The following KAZN variants were observed in gnomAD, a reference collection of about 807,000 sequenced individuals.
KAZN encodes the protein kazrin.
KAZN carries 40 observed loss-of-function variants against 87.4 expected under a neutral mutation model. That is an observed-to-expected ratio of 0.46 (90% CI 0.36 to 0.60). The LOEUF (loss-of-function observed/expected upper bound fraction) is 0.60. Among genes scored for constraint, KAZN ranks in the 20% least tolerant of loss-of-function variants. The pLI is 0.00. For synonymous variants in KAZN, 466 were observed against 458.3 expected (o/e 1.02, Z -0.22); for missense variants, 898 against 1,073.9 (o/e 0.84, Z 2.29).
chr1:15,043,899 A>C, intron 3 of KAZN, 90 bp from the exon 4 acceptor site: 1 of 1,317,134 alleles, frequency 7.6e-7, no homozygotes. Flanking sequence ...TTCTTTTTCC[A>C]TCTAGGAGTT....
chr1:14,757,400 G>A (rs541417578), intron 1 of KAZN, among the ~76,000 whole-genome samples: 1 of 152,162 alleles, frequency 6.6e-6, no homozygotes. Flanking sequence ...AAGAACAAAG[G>A]AATTACAATC....
chr1:14,141,057 C>T (rs141199612), intron 1 of KAZN, among the ~76,000 whole-genome samples: 311 of 152,110 alleles, frequency 2.0e-3, no homozygotes, highest in African/African-American at 6.2e-3. Flanking sequence ...AGAATCTGCA[C>T]GCTGCCAAAA....
chr1:15,103,485 G>A, intron 12 of KAZN, 25 bp downstream of exon 12: 1 of 1,480,986 alleles, frequency 6.8e-7, no homozygotes, highest in East Asian at 2.5e-5. Flanking sequence ...GGAGGTCGGG[G>A]TGACTCTCGG....
intron 3 of KAZN, among the ~76,000 whole-genome samples, chr1:15,040,951 G>A (rs115880263): frequency 6.6e-6 from 1 of 151,172 alleles, no homozygotes; most frequent in Non-Finnish European, 1.5e-5. Flanking sequence ...TTTGTTTTTT[G>A]TTTTTTTTAT....
At chr1:14,298,510 T>TC (rs1260626587) in intron 2 of KAZN, among the ~76,000 whole-genome samples, 1 of 152,154 alleles carries the variant, frequency 6.6e-6, no homozygotes, top group Non-Finnish European at 1.5e-5. Context: ...TTCTCCTACC[T>TC]CCCCCCATGC....
intron 8 of KAZN, among the ~76,000 whole-genome samples, chr1:15,074,002 C>T (rs1432999001): frequency 1.3e-5 from 2 of 152,230 alleles, no homozygotes; most frequent in Non-Finnish European, 2.9e-5. Flanking sequence ...CCCCACCACC[C>T]CCAGCCCAGC....
chr1:14,213,112 T>G (rs766060799), intron 2 of KAZN, among the ~76,000 whole-genome samples: 1 of 152,154 alleles, frequency 6.6e-6, no homozygotes, highest in East Asian at 1.9e-4. Context: ...ATATGTAAAT[T>G]TTCTGTATTT....
intron 1 of KAZN, among the ~76,000 whole-genome samples, chr1:14,050,221 T>C (rs1642268963): frequency 6.6e-6 from 1 of 151,706 alleles, no homozygotes; most frequent in Admixed American, 6.6e-5. Flanking sequence ...GGCATGCATG[T>C]GCACATGTAT....
intron 1 of KAZN, among the ~76,000 whole-genome samples, chr1:14,145,533 T>C (rs1202734371): frequency 6.6e-6 from 1 of 152,170 alleles, no homozygotes; most frequent in East Asian, 1.9e-4. Flanking sequence ...TATTTGTCTA[T>C]AAACATAATT....
rs149957066 is a variant in KAZN at position 14,431,072 on chromosome 1, T to A, written c.250-167911T>A. ...AAGTGTGCAATAAATGCTTATTGAG[T>A]AATTGAATGAATACATTAATGAATG... On this transcript the variant is annotated intron_variant, in intron 2 of 16. Transcript: ENST00000636203. 4.5e-3 allele frequency among the ~76,000 whole-genome samples: 681 copies of A among 152,324 alleles called. 21 individuals are homozygous for A. The highest frequency in any genetic ancestry group is 1.2e-3 in the East Asian group (6 of 5,180).
At chr1:14,712,074 G>C (rs1013926428) in intron 1 of KAZN, among the ~76,000 whole-genome samples, 2 of 152,192 alleles carry the variant, frequency 1.3e-5, no homozygotes, top group African/African-American at 4.8e-5. Context: ...AAGAGTAGGG[G>C]ATAAGGGGAG....
intron 2 of KAZN, among the ~76,000 whole-genome samples, chr1:14,576,331 T>TGGATGGAC (rs1491446005): frequency 0.016 from 2,186 of 135,404 alleles, 50 homozygotes; most frequent in African/African-American, 0.048. Context: ...GATGGATGGA[T>TGGATGGAC]GGACGGACAG....
rs570148252 is a variant in KAZN, at chr1:15,110,405, G to C, written c.2049-2022G>C. ...TATTTGTGTGTTTGTGTGTGTCTGT[G>C]TATTTGTGTGTGCGCATATGTGTTC... On this transcript the variant is annotated intron_variant, in intron 13 of 14. Coordinates refer to ENST00000376030, the MANE Select transcript of KAZN (RefSeq NM_201628.3). 1.2e-4 allele frequency among the ~76,000 whole-genome samples: 16 copies of C among 136,102 alleles called. No individual in the cohort carries two copies. In the East Asian group the frequency reaches 1.3e-3, roughly 11 times the overall value. 89.3% of individuals were successfully genotyped at this position (136,102 alleles called of 152,430 possible). A position where few individuals can be genotyped will look rare whatever the true frequency, so the allele number is the denominator to read the frequency against.
intron 1 of KAZN, among the ~76,000 whole-genome samples, chr1:14,725,470 T>TTTTC (rs1244004382): frequency 1.1e-3 from 162 of 152,184 alleles, no homozygotes; most frequent in African/African-American, 3.1e-3. Context: ...CTTTTTTTTT[T>TTTTC]TTTCTTTCTT....
At chr1:14,179,153 A>G (rs765296509) in intron 1 of KAZN, among the ~76,000 whole-genome samples, 2 of 152,066 alleles carry the variant, frequency 1.3e-5, no homozygotes, top group Non-Finnish European at 2.9e-5. Flanking sequence ...TCAGCCAGCA[A>G]CTCAAAGGCA....
chr1:14,117,313 C>T (rs914968555), intron 1 of KAZN, among the ~76,000 whole-genome samples: 2 of 152,032 alleles, frequency 1.3e-5, no homozygotes, highest in East Asian at 1.9e-4. Context: ...AGGTCTTTCC[C>T]GTGCTCTTCT....
chr1:14,739,128 T>C (rs1644008278), intron 1 of KAZN, among the ~76,000 whole-genome samples: 1 of 152,186 alleles, frequency 6.6e-6, no homozygotes, highest in African/African-American at 2.4e-5. Flanking sequence ...CAGTGAGCTA[T>C]GATTGCACCA....
In KAZN at chr1:14,738,762, C is replaced by A. The variant is rs974772542; in HGVS notation, c.226+139539C>A. On this transcript the variant is annotated intron_variant, in intron 1 of 14. Transcript: ENST00000376030. Reference sequence around the variant, plus strand: ...ACTGGATTTTTTTCGTTAAAAAAATCCCCGTGAAGTGAGGATGACGATTCA... The same window carrying A: ...ACTGGATTTTTTTCGTTAAAAAAATACCCGTGAAGTGAGGATGACGATTCA... 2.0e-5 allele frequency among the ~76,000 whole-genome samples: 3 copies of A among 152,020 alleles called. No individual in the cohort carries two copies. In the East Asian group the frequency reaches 5.8e-4, roughly 29 times the overall value.
chr1:14,747,163 C>T (rs970458677), intron 1 of KAZN, among the ~76,000 whole-genome samples: 4 of 152,102 alleles, frequency 2.6e-5, no homozygotes, highest in African/African-American at 9.7e-5. Context: ...TCAGAGTTAC[C>T]TTTCTTTCCT....
Sources: gnomAD v4.1 joint callset for allele counts (sites outside exome capture counted in the v4.1 genomes callset) on GRCh38, gnomAD v4.1.1 for gene constraint, MANE v1.5 for transcripts, NCBI Gene and HGNC (gene_info 2026-07-23, HGNC 2026-07-21) for gene names.